The following DCDC2C variants were observed in gnomAD, a reference collection of about 807,000 sequenced individuals.
DCDC2C encodes the protein doublecortin domain containing 2C.
In DCDC2C, 44 loss-of-function variants were observed where a neutral mutation model predicts 45.0. That is an observed-to-expected ratio of 0.98 (90% CI 0.77 to 1.26). DCDC2C has a LOEUF of 1.26. Ranked by LOEUF, DCDC2C falls within the 50% of genes most tolerant of loss-of-function variation. The pLI, the probability that DCDC2C is intolerant of heterozygous loss-of-function variation, is 0.00. For synonymous variants in DCDC2C, 187 were observed against 178.8 expected, an observed-to-expected ratio of 1.05 and a Z score of -0.37; for missense variants, 447 against 468.9, an observed-to-expected ratio of 0.95 and a Z score of 0.43.
At chr2:3,778,785 G>T in intron 8 of DCDC2C, 31 bp from the exon 9 acceptor site, 1 of 1,546,104 alleles carries the variant, frequency 6.5e-7, no homozygotes, top group Non-Finnish European at 8.7e-7. Flanking sequence ...CACATAAGTA[G>T]TTGATAAAAT....
chr2:3,830,302 G>A (rs907186302), intron 10 of DCDC2C, among the ~76,000 whole-genome samples: 3 of 147,220 alleles, frequency 2.0e-5, no homozygotes, highest in Admixed American at 1.4e-4. Flanking sequence ...TTTATTGGAG[G>A]TTTTTTTTTT....
chr2:3,753,126 C>T (rs1421520059), intron 5 of DCDC2C, among the ~76,000 whole-genome samples: 2 of 152,356 alleles, frequency 1.3e-5, no homozygotes, highest in South Asian at 2.1e-4. Context: ...ACAGAGTCCA[C>T]TGCTTTTCTC....
At chr2:3,830,097 A>G (rs1671915685) in intron 10 of DCDC2C, among the ~76,000 whole-genome samples, 1 of 152,182 alleles carries the variant, frequency 6.6e-6, no homozygotes, top group Admixed American at 6.5e-5. Flanking sequence ...CTGAATATGC[A>G]TCTTATTTTA....
At chr2:3,752,494 G>A (rs1326550326) in intron 4 of DCDC2C, 1 of 497,874 alleles carries the variant, frequency 2.0e-6, no homozygotes, top group Admixed American at 2.9e-5. Context: ...AACCAAGAGT[G>A]TAACATGGTT....
At chr2:3,809,652 A>C (rs948931213) in intron 10 of DCDC2C, among the ~76,000 whole-genome samples, 4 of 152,206 alleles carry the variant, frequency 2.6e-5, no homozygotes, top group African/African-American at 9.6e-5. Context: ...AATGGGATAC[A>C]TGTGCAGAAC....
intron 10 of DCDC2C, among the ~76,000 whole-genome samples, chr2:3,840,855 C>T (rs1005755248): frequency 1.3e-5 from 2 of 152,176 alleles, no homozygotes; most frequent in South Asian, 2.1e-4. Flanking sequence ...CGCGAGGCCC[C>T]GTGATTCACT....
At chr2:3,756,611 G>C (rs1007836637) in intron 6 of DCDC2C, among the ~76,000 whole-genome samples, 55 of 152,252 alleles carry the variant, frequency 3.6e-4, no homozygotes, top group African/African-American at 1.3e-3. Context: ...AATGCAGCGT[G>C]GTGTTGTTGG....
Position 3,836,663 on chromosome 2 carries a change from A to C in DCDC2C, c.1066-10491A>C, listed in dbSNP as rs575932958. 4.6e-5 allele frequency among the ~76,000 whole-genome samples: 7 copies of C among 152,220 alleles called. No homozygotes were observed. The South Asian group carries it at 6.2e-4, about 14-fold the overall frequency. ...GGACCACAAGGTCAGGAGATTGAGA[A>C]CATCCTGGCTAACAGGGTGAAACCC... On this transcript the variant is annotated intron_variant, in intron 10 of 10. Coordinates refer to ENST00000399143, the MANE Select transcript of DCDC2C (RefSeq NM_001287444.2).
At chr2:3,831,720 A>G (rs1259336646) in intron 10 of DCDC2C, among the ~76,000 whole-genome samples, 1 of 152,198 alleles carries the variant, frequency 6.6e-6, no homozygotes, top group Non-Finnish European at 1.5e-5. Flanking sequence ...GTGTGGTGGA[A>G]CGTGTAGAAG....
chr2:3,716,083 G>C (rs1553370296), intron 2 of DCDC2C, among the ~76,000 whole-genome samples: 1 of 152,202 alleles, frequency 6.6e-6, no homozygotes, highest in Non-Finnish European at 1.5e-5. Context: ...TTGAGCAAGA[G>C]TGTTTGGGTG....
At chr2:3,778,352 G>C (rs931736936) in intron 8 of DCDC2C, among the ~76,000 whole-genome samples, 4 of 152,216 alleles carry the variant, frequency 2.6e-5, no homozygotes, top group African/African-American at 7.2e-5. Flanking sequence ...AGCAGGGAGA[G>C]GCTCCAGGAC....
At chr2:3,757,214 C>A (rs1340204050) in intron 6 of DCDC2C, among the ~76,000 whole-genome samples, 6 of 152,114 alleles carry the variant, frequency 3.9e-5, no homozygotes, top group Admixed American at 2.0e-4. Flanking sequence ...TTGCTTGCCC[C>A]AGGTTTTCCA....
intron 3 of DCDC2C, among the ~76,000 whole-genome samples, chr2:3,730,640 A>G (rs1572567287): frequency 6.6e-6 from 1 of 152,238 alleles, no homozygotes; most frequent in Admixed American, 6.5e-5. Context: ...GGAGAAGGAG[A>G]TAACGACTGG....
intron 8 of DCDC2C, among the ~76,000 whole-genome samples, chr2:3,776,545 T>C (rs10195488): frequency 0.34 from 51,147 of 152,060 alleles, 8,734 homozygotes; most frequent in South Asian, 0.45. Context: ...TCTCGTCAAA[T>C]GAGACTCCTG....
chr2:3,766,530 G>A (rs572951216), intron 6 of DCDC2C, among the ~76,000 whole-genome samples: 22 of 152,178 alleles, frequency 1.4e-4, no homozygotes, highest in South Asian at 2.1e-4. Flanking sequence ...ATTTCAGCTC[G>A]TAGGAAAACT....
At chr2:3,823,857 A>G (rs1671752058) in intron 10 of DCDC2C, among the ~76,000 whole-genome samples, 1 of 152,136 alleles carries the variant, frequency 6.6e-6, no homozygotes, top group Non-Finnish European at 1.5e-5. Flanking sequence ...CATGGTGTTC[A>G]CCTTTTCCAC....
At chr2:3,719,992 G>T (rs1046702764) in intron 2 of DCDC2C, among the ~76,000 whole-genome samples, 1 of 152,228 alleles carries the variant, frequency 6.6e-6, no homozygotes, top group Non-Finnish European at 1.5e-5. Context: ...TGTGCCAGGG[G>T]TTTGGGTTTG....
chr2:3,768,018 G>C (rs758147598), intron 7 of DCDC2C, 138 bp downstream of exon 7: 13 of 1,031,698 alleles, frequency 1.3e-5, no homozygotes, highest in Non-Finnish European at 1.7e-5. Context: ...TTAATAAAAG[G>C]TTCAGCTTGT....
intron 4 of DCDC2C, among the ~76,000 whole-genome samples, chr2:3,745,545 G>A (rs1669335639): frequency 6.6e-6 from 1 of 152,106 alleles, no homozygotes; most frequent in East Asian, 1.9e-4. Flanking sequence ...ATATGCACAT[G>A]AACAGAATTA....
Sources: allele counts gnomAD v4.1 joint callset (sites outside exome capture counted in the v4.1 genomes callset), GRCh38; gene constraint gnomAD v4.1.1; transcripts MANE v1.5; gene names NCBI Gene and HGNC (gene_info 2026-07-23, HGNC 2026-07-21).